TMTC1: variants seen among roughly 807,000 people sequenced by gnomAD.
TMTC1 encodes the protein transmembrane O-mannosyltransferase targeting cadherins 1.
Under a neutral mutation model 104.8 loss-of-function variants are expected in TMTC1, and 73 were observed. The observed-to-expected ratio is 0.70, with a 90% CI of 0.58 to 0.85. The LOEUF (loss-of-function observed/expected upper bound fraction) is 0.85. TMTC1 is among the 40% of genes least tolerant of loss of function. The pLI is 0.00. For missense variants in TMTC1, 1,035 were observed against 1,096.1 expected (o/e 0.94, Z 0.79); for synonymous variants, 434 against 428.7 (o/e 1.01, Z -0.15).
intron 2 of TMTC1, among the ~76,000 whole-genome samples, chr12:29,766,477 A>G (rs1358132768): frequency 6.6e-6 from 1 of 152,224 alleles, no homozygotes. Flanking sequence ...TACGTGTTAG[A>G]CAGGGAGAGA....
In TMTC1 at chr12:29,783,716, CCCG is replaced by C. The variant is rs1349514638; in HGVS notation, c.33_35del (p.Gly12del). 1.6e-6 allele frequency: 2 copies of C among 1,220,220 alleles called. No homozygotes were observed. Among genetic ancestry groups the C allele is most frequent in the South Asian group, 3.8e-5 (1 of 26,546 alleles). The allele number at this position is 1,220,220 out of a possible 1,614,324, so 75.6% of individuals were successfully genotyped here. A position where few individuals can be genotyped will look rare whatever the true frequency, so the allele number is the denominator to read the frequency against. On this transcript the variant is annotated inframe_deletion, in exon 1 of 18. Transcript: ENST00000539277. This position sits in a 1 kb window ranked among gnomAD's most constrained non-coding sequence, Gnocchi z 4.7. Reference sequence around the variant, plus strand: ...CCCGCCGCCGGGAGGGTGTGCGGTCCCCGCCGCCGCCTCGGGCAGAGGTGGTCA... The same window carrying C: ...CCCGCCGCCGGGAGGGTGTGCGGTCCCCGCCGCCTCGGGCAGAGGTGGTCA...
At chr12:29,596,100 G>C (rs1486312255) in intron 7 of TMTC1, among the ~76,000 whole-genome samples, 1 of 151,860 alleles carries the variant, frequency 6.6e-6, no homozygotes, top group Non-Finnish European at 1.5e-5. Context: ...TCCATCTCCT[G>C]GGTTCAAGCA....
intron 5 of TMTC1, among the ~76,000 whole-genome samples, chr12:29,738,993 A>AT (rs1942755209): frequency 1.3e-5 from 2 of 152,242 alleles, no homozygotes; most frequent in South Asian, 4.1e-4. Flanking sequence ...TTCAATTATG[A>AT]TAAAAATCTC....
chr12:29,694,325 T>A (rs1208560857), intron 5 of TMTC1, among the ~76,000 whole-genome samples: 2 of 152,138 alleles, frequency 1.3e-5, no homozygotes, highest in Non-Finnish European at 2.9e-5. Flanking sequence ...GCGCTCAGAG[T>A]ATTGCTTCCA....
chr12:29,766,688 C>T (rs1943471874), intron 2 of TMTC1, among the ~76,000 whole-genome samples: 1 of 152,112 alleles, frequency 6.6e-6, no homozygotes, highest in South Asian at 2.1e-4. Context: ...AGAAGGAAAC[C>T]ACCATGACAT....
chr12:29,550,933 CAAAAA>C (rs200605964), intron 10 of TMTC1, among the ~76,000 whole-genome samples: 13 of 108,286 alleles, frequency 1.2e-4, no homozygotes, highest in African/African-American at 2.8e-4. Flanking sequence ...GACTCCATCT[CAAAAA>C]AAAAAAAAAA....
At chr12:29,762,595 T>A (rs1042324880) in intron 2 of TMTC1, among the ~76,000 whole-genome samples, 2 of 152,234 alleles carry the variant, frequency 1.3e-5, no homozygotes, top group African/African-American at 4.8e-5. Flanking sequence ...AGTCACATAT[T>A]GAGAAAAATT....
intron 10 of TMTC1, among the ~76,000 whole-genome samples, chr12:29,537,819 C>G (rs932035458): frequency 1.3e-5 from 2 of 152,168 alleles, no homozygotes; most frequent in Non-Finnish European, 2.9e-5. Flanking sequence ...AACTAATATT[C>G]ACTCCATAAG....
intron 5 of TMTC1, among the ~76,000 whole-genome samples, chr12:29,634,183 G>A (rs915854382): frequency 1.1e-4 from 16 of 152,058 alleles, no homozygotes; most frequent in African/African-American, 3.1e-4. Context: ...TAGTCAACAC[G>A]TTACAACATG....
rs1946042149 is a variant in TMTC1 at position 29,583,546 on chromosome 12, C to T, written c.1279G>A (p.Gly427Arg). ...AGCCAAGTGCAGAGCTTGCTCAGTC[C>T]ATGCACAAAAAGGATGCAGTAGCCC... The part of the protein sequence containing the change: ...SMGYCILFVH[G>R]LSKLCTWLNR... Residue 427 changes from glycine (G) to arginine (R), a missense_variant, in exon 8 of 18, where the codon GGA (glycine) becomes AGA (arginine). By Grantham distance (125) the Gly-to-Arg change is moderately radical (BLOSUM62 -2). Transcript: ENST00000539277. The T allele has an allele frequency of 1.2e-6, 2 of 1,613,380 alleles. No homozygotes were observed. The highest frequency in any genetic ancestry group is 2.2e-5 in the East Asian group (1 of 44,800).
At chr12:29,612,592 T>C (rs995642226) in intron 6 of TMTC1, among the ~76,000 whole-genome samples, 1 of 152,068 alleles carries the variant, frequency 6.6e-6, no homozygotes, top group Non-Finnish European at 1.5e-5. Context: ...TTGTATTTTT[T>C]TTAGTAGAGA....
chr12:29,551,092 G>A (rs1945090660), intron 10 of TMTC1, among the ~76,000 whole-genome samples: 1 of 152,070 alleles, frequency 6.6e-6, no homozygotes, highest in South Asian at 2.1e-4. Flanking sequence ...ACTACCACAG[G>A]GGTGCAGAGT....
rs1308881657 is a variant in TMTC1, at chr12:29,604,283, T to G, written c.1145A>C (p.Glu382Ala). 1 of 1,613,864 alleles carries G rather than the reference T, an allele frequency of 6.2e-7. No individual in the cohort carries two copies. Among genetic ancestry groups the G allele is most frequent in the East Asian group, 2.2e-5 (1 of 44,874 alleles). The change falls in exon 7 of 18, where the codon GAG (glutamate) becomes GCG (alanine). Residue 382 changes from glutamate to alanine, a missense_variant. Coordinates refer to ENST00000539277, the MANE Select transcript of TMTC1 (RefSeq NM_001193451.2). ...CAGGAACAACAAGCCGACTAAAACC[T>G]CCTTGTGCTCCAGTCTCTGAAACAC... ...LAAFKRLEHK[E>A]VLVGLLFLVF...
At chr12:29,594,526 A>G (rs1337784810) in intron 7 of TMTC1, among the ~76,000 whole-genome samples, 1 of 152,262 alleles carries the variant, frequency 6.6e-6, no homozygotes, top group African/African-American at 2.4e-5. Flanking sequence ...TGAAAACAAG[A>G]CAAAGAAGGC....
chr12:29,540,753 C>T (rs754700333), intron 10 of TMTC1, among the ~76,000 whole-genome samples: 12 of 151,870 alleles, frequency 7.9e-5, no homozygotes, highest in Non-Finnish European at 1.3e-4. Flanking sequence ...CCAGCACTTT[C>T]GGAGGCCGAG....
intron 8 of TMTC1, among the ~76,000 whole-genome samples, chr12:29,576,942 G>A (rs752513095): frequency 1.4e-4 from 21 of 152,050 alleles, no homozygotes; most frequent in Admixed American, 2.6e-4. Flanking sequence ...AAAGAACATG[G>A]AATAAAGAGG....
intron 5 of TMTC1, among the ~76,000 whole-genome samples, chr12:29,637,088 ACACACACACACACACAC>A (rs1938597127): frequency 1.4e-5 from 2 of 145,826 alleles, no homozygotes; most frequent in Non-Finnish European, 3.0e-5. Flanking sequence ...AATGAGAAAC[ACACACACACACACACAC>A]ACACACACAC....
intron 4 of TMTC1, among the ~76,000 whole-genome samples, chr12:29,753,953 G>A (rs989157401): frequency 3.0e-4 from 45 of 152,162 alleles, no homozygotes; most frequent in Admixed American, 1.3e-4. Context: ...TGCAATGTCC[G>A]ACTCCCTGGT....
chr12:29,645,152 G>A (rs1359899503), intron 5 of TMTC1, among the ~76,000 whole-genome samples: 1 of 152,208 alleles, frequency 6.6e-6, no homozygotes, highest in Admixed American at 6.5e-5. Flanking sequence ...ATAAAATAAT[G>A]CCTTAGAATC....
Sources: allele counts gnomAD v4.1 joint callset (sites outside exome capture counted in the v4.1 genomes callset), GRCh38; gene constraint gnomAD v4.1.1; non-coding constraint Gnocchi (gnomAD v3.1); transcripts MANE v1.5; gene names NCBI Gene and HGNC (gene_info 2026-07-23, HGNC 2026-07-21).